STXBP4: variants seen among roughly 807,000 people sequenced by gnomAD.
STXBP4 encodes syntaxin-binding protein 4.
A neutral mutation model predicts 76.1 loss-of-function variants in STXBP4; 55 were observed. The observed-to-expected ratio is 0.72, with a 90% confidence interval of 0.58 to 0.91. STXBP4 has a LOEUF of 0.91. STXBP4 is among the 40% of genes least tolerant of loss of function. The pLI, the probability that STXBP4 is intolerant of heterozygous loss-of-function variation, is 0.00. For missense variants in STXBP4, 618 were observed against 636.9 expected (o/e 0.97, Z 0.32); for synonymous variants, 201 against 220.2 (o/e 0.91, Z 0.77).
the STXBP4 span, among the ~76,000 whole-genome samples, chr17:55,212,214 T>C: frequency 6.6e-6 from 1 of 152,098 alleles, no homozygotes; most frequent in East Asian, 1.9e-4. Flanking sequence ...TATGTGACCC[T>C]GGGCAAATTA....
intron 16 of STXBP4, among the ~76,000 whole-genome samples, chr17:55,121,954 A>G (rs905488775): frequency 5.3e-5 from 8 of 152,106 alleles, no homozygotes; most frequent in African/African-American, 1.9e-4. Flanking sequence ...ACTAGAGTAG[A>G]AAGATGAAAA....
chr17:55,123,908 AAAG>A (rs1243975523), intron 16 of STXBP4, among the ~76,000 whole-genome samples: 1 of 152,160 alleles, frequency 6.6e-6, no homozygotes, highest in Non-Finnish European at 1.5e-5. Flanking sequence ...CAAAAAAAAA[AAAG>A]AAGATAAAAC....
rs1197242917 is a variant in STXBP4 at position 55,169,777 on chromosome 17, T to A, written c.*9866T>A. On this transcript the variant is annotated 3_prime_UTR_variant, in exon 18 of 18. Coordinates refer to ENST00000376352, the MANE Select transcript of STXBP4 (RefSeq NM_178509.6). ...TTCTAAAAACCCTAACATGAAATAC[T>A]TAGAAGAGATCAAGTGGTTTGTCCC... The A allele has an allele frequency of 1.3e-5, 2 of 152,244 alleles. No homozygotes were observed. Among genetic ancestry groups the A allele is most frequent in the African/African-American group, 4.8e-5 (2 of 41,464 alleles). The allele number at this position is 152,244 out of a possible 1,614,324, so 9.4% of individuals were successfully genotyped here.
intron 12 of STXBP4, among the ~76,000 whole-genome samples, chr17:55,069,172 A>G (rs1027548756): frequency 4.7e-4 from 71 of 150,966 alleles, no homozygotes; most frequent in Admixed American, 2.0e-3. Flanking sequence ...AAAAAAAAAA[A>G]TAAGCTAGAG....
chr17:55,007,367 T>A (rs1048212665), intron 7 of STXBP4, 139 bp from the exon 8 acceptor site: 20 of 657,390 alleles, frequency 3.0e-5, no homozygotes, highest in Non-Finnish European at 4.5e-5. Context: ...GAAAAAAAAA[T>A]TATGCAAACA....
chr17:54,983,445 T>G (rs1437189308), intron 1 of STXBP4, among the ~76,000 whole-genome samples: 1 of 151,774 alleles, frequency 6.6e-6, no homozygotes, highest in Non-Finnish European at 1.5e-5. Flanking sequence ...AGGATCTTAC[T>G]CACTTTGGTA....
chr17:55,097,995 A>G (rs1193851187), intron 16 of STXBP4, among the ~76,000 whole-genome samples: 1 of 152,176 alleles, frequency 6.6e-6, no homozygotes, highest in Non-Finnish European at 1.5e-5. Flanking sequence ...TAGGTACTTA[A>G]TATCACCATT....
intron 12 of STXBP4, among the ~76,000 whole-genome samples, chr17:55,072,273 T>C (rs1156616967): frequency 1.3e-5 from 2 of 152,192 alleles, no homozygotes; most frequent in Non-Finnish European, 2.9e-5. Context: ...AATATTGTTT[T>C]AAAGATTAAG....
chr17:55,030,860 T>G (rs1337979285), intron 8 of STXBP4: 1 of 214,406 alleles, frequency 4.7e-6, no homozygotes, highest in African/African-American at 2.3e-5. Flanking sequence ...AGTAGGATTC[T>G]TTTGCCATTT....
At chr17:55,157,720 G>T (rs2080295768) in intron 17 of STXBP4, among the ~76,000 whole-genome samples, 1 of 152,164 alleles carries the variant, frequency 6.6e-6, no homozygotes, top group Non-Finnish European at 1.5e-5. Flanking sequence ...TGAACAATTT[G>T]TGTAGGGGGA....
chr17:55,160,102 C>A lies in STXBP4; in HGVS notation c.*191C>A. 1 of 444,418 alleles carries A rather than the reference C, an allele frequency of 2.3e-6. No individual in the cohort carries two copies. Among genetic ancestry groups the A allele is most frequent in the Non-Finnish European group, 4.0e-6 (1 of 251,396 alleles). The allele number at this position is 444,418 out of a possible 1,614,324, so 27.5% of individuals were successfully genotyped here. On this transcript the variant is annotated 3_prime_UTR_variant, in exon 18 of 18. Transcript: ENST00000376352. ...CTGTATACATTTAAAAAATCAATTGCCACTACAGTAGTTCCTTAAGAATAA... is the reference window on the plus strand; with the variant it reads ...CTGTATACATTTAAAAAATCAATTGACACTACAGTAGTTCCTTAAGAATAA...
the STXBP4 span, among the ~76,000 whole-genome samples, chr17:55,191,159 A>G: frequency 3.2e-4 from 49 of 152,280 alleles, no homozygotes; most frequent in Non-Finnish European, 6.5e-4. Flanking sequence ...GCTGAAACTC[A>G]GGGTAGATAG....
chr17:55,189,512 A>G, the STXBP4 span, among the ~76,000 whole-genome samples: 1 of 152,322 alleles, frequency 6.6e-6, no homozygotes, highest in Middle Eastern at 3.4e-3. Flanking sequence ...AAGCATCTAC[A>G]AGAAACAGGC....
the STXBP4 span, among the ~76,000 whole-genome samples, chr17:55,189,707 T>C: frequency 6.6e-6 from 1 of 152,236 alleles, no homozygotes; most frequent in Non-Finnish European, 1.5e-5. Context: ...TGGCCAGTTC[T>C]GTGGCCCTAT....
In STXBP4 at chr17:55,171,626, T is replaced by C. The variant is rs911360889; in HGVS notation, c.*11715T>C. The C allele has an allele frequency of 5.3e-5, 8 of 152,188 alleles. No homozygotes were observed. Among genetic ancestry groups the C allele is most frequent in the Non-Finnish European group, 7.4e-5 (5 of 68,016 alleles). The allele number at this position is 152,188 out of a possible 1,614,324, so 9.4% of individuals were successfully genotyped here. A position where few individuals can be genotyped will look rare whatever the true frequency, so the allele number is the denominator to read the frequency against. On this transcript the variant is annotated 3_prime_UTR_variant, in exon 18 of 18. Transcript: ENST00000376352. ...CACCTGAATAAGATACATGGTGCCA[T>C]GTACATGGAAACTGACTGCTCTCAT...
chr17:55,120,687 C>T (rs2079834130), intron 16 of STXBP4, among the ~76,000 whole-genome samples: 1 of 152,290 alleles, frequency 6.6e-6, no homozygotes, highest in African/African-American at 2.4e-5. Flanking sequence ...ATGGCTGCTG[C>T]AGAGCATTGA....
intron 12 of STXBP4, among the ~76,000 whole-genome samples, chr17:55,065,207 G>T (rs2079036797): frequency 6.6e-6 from 1 of 152,030 alleles, no homozygotes; most frequent in South Asian, 2.1e-4. Flanking sequence ...AAATTCTTGG[G>T]CCATGTTTCC....
downstream of STXBP4, among the ~76,000 whole-genome samples, chr17:55,177,520 G>C (rs1290363005): frequency 6.6e-6 from 1 of 152,220 alleles, no homozygotes; most frequent in Non-Finnish European, 1.5e-5. Flanking sequence ...AAGGAAATCT[G>C]TGTAGTCCTC....
chr17:55,007,472 G>T (rs774544728), intron 7 of STXBP4, 34 bp from the exon 8 acceptor site: 2 of 1,503,436 alleles, frequency 1.3e-6, no homozygotes, highest in East Asian at 2.3e-5. Flanking sequence ...TTCCAATTAA[G>T]TTCCCAATTA....
Sources: allele counts gnomAD v4.1 joint callset (sites outside exome capture counted in the v4.1 genomes callset), GRCh38; gene constraint gnomAD v4.1.1; transcripts MANE v1.5; gene names NCBI Gene and HGNC (gene_info 2026-07-23, HGNC 2026-07-21).